The following CUEDC1 variants were observed in gnomAD, a reference collection of about 807,000 sequenced individuals.
The protein encoded by CUEDC1 is CUE domain containing 1.
Under a neutral mutation model 43.7 loss-of-function variants are expected in CUEDC1, and 30 were observed. The observed-to-expected ratio is 0.69, with a 90% CI of 0.51 to 0.93. The LOEUF is 0.93. Among genes scored for constraint, CUEDC1 ranks in the 40% least tolerant of loss-of-function variants. CUEDC1 has a pLI of 0.00. For missense variants in CUEDC1, 486 were observed against 549.0 expected, an observed-to-expected ratio of 0.89 and a Z score of 1.15; for synonymous variants, 223 against 223.6, an observed-to-expected ratio of 1.00 and a Z score of 0.02.
At chr17:57,923,754 T>A (rs1027160587) in intron 1 of CUEDC1, among the ~76,000 whole-genome samples, 1 of 152,210 alleles carries the variant, frequency 6.6e-6, no homozygotes, top group African/African-American at 2.4e-5. Context: ...GGTTGGTGCA[T>A]TTTGTGACCC....
intron 1 of CUEDC1, among the ~76,000 whole-genome samples, chr17:57,934,373 C>T (rs535078227): frequency 1.3e-5 from 2 of 151,806 alleles, no homozygotes; most frequent in African/African-American, 4.8e-5. Context: ...GCCTGGGAAA[C>T]AGAGCAAGAC....
At position 57,928,935 on chromosome 17, in the gene CUEDC1, G is replaced by T. The variant is rs548344938; in HGVS notation, c.-316+26290C>A. Reference sequence around the variant, plus strand: ...AACATTGTCCCAATTCTGATCCTGGGTTTTACTTGGATCCACACTGAGAAA... The same window carrying T: ...AACATTGTCCCAATTCTGATCCTGGTTTTTACTTGGATCCACACTGAGAAA... On this transcript the variant is annotated intron_variant, in intron 1 of 10. Transcript: ENST00000577830. Among the ~76,000 whole-genome samples the T allele has an allele frequency of 3.3e-5, 5 of 152,064 alleles. No homozygotes were observed. In the East Asian group the frequency reaches 5.8e-4, roughly 18 times the overall value.
intron 8 of CUEDC1, chr17:57,867,627 C>G (rs2073979165): frequency 3.4e-6 from 2 of 588,274 alleles, no homozygotes; most frequent in Non-Finnish European, 6.1e-6. Flanking sequence ...GCTTACATCT[C>G]TGGGGATGGA....
intron 2 of CUEDC1, among the ~76,000 whole-genome samples, chr17:57,880,694 C>A (rs1259943626): frequency 6.6e-6 from 1 of 152,210 alleles, no homozygotes; most frequent in East Asian, 1.9e-4. Flanking sequence ...GCACACTCCG[C>A]AGACATCAAA....
chr17:57,931,335 C>T (rs964342732), intron 1 of CUEDC1, among the ~76,000 whole-genome samples: 1 of 152,088 alleles, frequency 6.6e-6, no homozygotes, highest in East Asian at 1.9e-4. Context: ...AGGTACAATT[C>T]GCAGGAAAAA....
intron 1 of CUEDC1, among the ~76,000 whole-genome samples, chr17:57,917,192 T>C (rs1456144698): frequency 6.6e-6 from 1 of 151,882 alleles, no homozygotes; most frequent in East Asian, 1.9e-4. Context: ...ACCACTGGGC[T>C]ATGGGGAAAT....
intron 7 of CUEDC1, chr17:57,868,488 GCCCAGGGA>G: frequency 1.9e-6 from 1 of 540,184 alleles, no homozygotes; most frequent in Admixed American, 3.2e-5. Flanking sequence ...CCTGAGCCAG[GCCCAGGGA>G]CCGCAGGCGG....
intron 1 of CUEDC1, among the ~76,000 whole-genome samples, chr17:57,932,281 C>CAAAAAGAAAAAAAAAAAA (rs2074812635): frequency 8.2e-6 from 1 of 121,946 alleles, no homozygotes; most frequent in African/African-American, 4.5e-5. Context: ...CACTGTGTCT[C>CAAAAAGAAAAAAAAAAAA]AAAAAAAAAA....
chr17:57,872,257 C>G (rs113749725), intron 5 of CUEDC1, among the ~76,000 whole-genome samples: 14 of 152,390 alleles, frequency 9.2e-5, no homozygotes, highest in African/African-American at 3.4e-4. Flanking sequence ...GAGCCTCCCC[C>G]GCCCTGGCCT....
chr17:57,888,884 C>T (rs992517513), intron 1 of CUEDC1, among the ~76,000 whole-genome samples: 1 of 152,238 alleles, frequency 6.6e-6, no homozygotes, highest in African/African-American at 2.4e-5. Flanking sequence ...AGGTCTCACT[C>T]TGCCAAAGGC....
chr17:57,926,204 T>A (rs1453009669), intron 1 of CUEDC1, among the ~76,000 whole-genome samples: 1 of 151,746 alleles, frequency 6.6e-6, no homozygotes, highest in African/African-American at 2.4e-5. Flanking sequence ...TCTCCAGGGG[T>A]CCCTCACCTG....
chr17:57,925,510 T>C (rs1188940570), intron 1 of CUEDC1, among the ~76,000 whole-genome samples: 2 of 148,090 alleles, frequency 1.4e-5, no homozygotes, highest in Non-Finnish European at 3.0e-5. Flanking sequence ...CTAAAGAAGT[T>C]TGGCAAAGAC....
rs1178575489 is a variant in CUEDC1 at position 57,869,127 on chromosome 17, C to T, written c.935G>A (p.Gly312Glu). ...ALFRDKLKHM[G>E]KSTRRKLFEL... Reference sequence around the variant, plus strand: ...GGGGCCTGAGTGGGACTCACACTTTCCCATGTGTTTCAGCTTGTCCCTGAA... The same window carrying T: ...GGGGCCTGAGTGGGACTCACACTTTTCCATGTGTTTCAGCTTGTCCCTGAA... The change falls in exon 7 of 11, where the codon GGA (glycine) becomes GAA (glutamate). Residue 312 changes from glycine (G) to glutamate (E), a missense_variant. Coordinates refer to ENST00000577830, the MANE Select transcript of CUEDC1 (RefSeq NM_001271875.2). 4 of 1,613,988 alleles carry T rather than the reference C, an allele frequency of 2.5e-6. No individual in the cohort carries two copies. Among genetic ancestry groups the T allele is most frequent in the Non-Finnish European group, 3.4e-6 (4 of 1,179,958 alleles).
At chr17:57,943,721 A>C (rs767258469) in intron 1 of CUEDC1, among the ~76,000 whole-genome samples, 13 of 152,044 alleles carry the variant, frequency 8.6e-5, no homozygotes, top group South Asian at 2.1e-4. Context: ...AATCCACCCC[A>C]AAAAAAATCC....
intron 5 of CUEDC1, 21 bp from the exon 6 acceptor site, chr17:57,871,390 CAGG>C (rs1568028508): frequency 1.4e-5 from 23 of 1,609,306 alleles, no homozygotes; most frequent in Non-Finnish European, 2.0e-5. Flanking sequence ...ACCACATTCA[CAGG>C]TCAGGGAGGT....
At chr17:57,904,080 C>T (rs1414377949) in intron 1 of CUEDC1, among the ~76,000 whole-genome samples, 1 of 152,060 alleles carries the variant, frequency 6.6e-6, no homozygotes, top group Non-Finnish European at 1.5e-5. Flanking sequence ...GGCAGCCAGA[C>T]CCCAGTGGGA....
rs773574091 is a variant in CUEDC1 at position 57,868,213 on chromosome 17, C to A, written c.971G>T (p.Arg324Leu). ...CATTTTGGTCTTCTCTGAGAAGGCT[C>A]GGGCAAGTTCAAACAGTTTCCTCCG... is the stretch of plus-strand genomic sequence containing the variant. ...STRRKLFELARAFSEKTKMRK... is the reference protein window; with the variant it reads ...STRRKLFELALAFSEKTKMRK... The change falls in exon 8 of 11, where the codon CGA becomes CTA. Residue 324 changes from arginine to leucine, a missense_variant. Coordinates refer to ENST00000577830, the MANE Select transcript of CUEDC1 (RefSeq NM_001271875.2). 2 of 1,614,184 alleles carry A rather than the reference C, an allele frequency of 1.2e-6. No homozygotes were observed. The highest frequency in any genetic ancestry group is 1.7e-6 in the Non-Finnish European group (2 of 1,180,024).
At chr17:57,936,010 G>C (rs1567723599) in intron 1 of CUEDC1, among the ~76,000 whole-genome samples, 1 of 152,216 alleles carries the variant, frequency 6.6e-6, no homozygotes, top group African/African-American at 2.4e-5. Flanking sequence ...CCCACCCGCT[G>C]CTAATGAGAA....
intron 1 of CUEDC1, among the ~76,000 whole-genome samples, chr17:57,951,905 C>T (rs1004468921): frequency 6.6e-6 from 1 of 152,204 alleles, no homozygotes; most frequent in Non-Finnish European, 1.5e-5. Context: ...AAAGATAAGA[C>T]ATTTAGCTGC....
Sources: allele counts gnomAD v4.1 joint callset (sites outside exome capture counted in the v4.1 genomes callset), GRCh38; gene constraint gnomAD v4.1.1; transcripts MANE v1.5; gene names NCBI Gene and HGNC (gene_info 2026-07-23, HGNC 2026-07-21).